The following PDSS2 variants were observed in gnomAD, a reference collection of about 807,000 sequenced individuals.
PDSS2 encodes the protein decaprenyl diphosphate synthase subunit 2, also known as all trans-polyprenyl-diphosphate synthase PDSS2.
A neutral mutation model predicts 44.5 loss-of-function variants in PDSS2; 31 were observed. The ratio of observed to expected loss-of-function variants is 0.70; its 90% confidence interval spans 0.52 to 0.94. PDSS2 has a LOEUF of 0.94. Ranked by LOEUF, PDSS2 falls within the 40% of genes least tolerant of loss-of-function variation. The pLI is 0.00. For missense variants in PDSS2, 452 were observed against 482.2 expected (o/e 0.94, Z 0.59); for synonymous variants, 157 against 180.3 (o/e 0.87, Z 1.03).
chr6:107,446,887 C>T (rs766229684), intron 1 of PDSS2, among the ~76,000 whole-genome samples: 20 of 151,816 alleles, frequency 1.3e-4, no homozygotes, highest in Non-Finnish European at 2.6e-4. Context: ...GACCCTGGCC[C>T]CTCCCAAATC....
intron 1 of PDSS2, among the ~76,000 whole-genome samples, chr6:107,402,488 G>GTATATATATGTATACATATATACGTA (rs375697506): frequency 1.3e-4 from 1 of 7,596 alleles, no homozygotes; most frequent in Non-Finnish European, 2.7e-4. Flanking sequence ...ACATATATAC[G>GTATATATATGTATACATATATACGTA]TATATATGTA....
chr6:107,279,695 TA>T (rs920520831), intron 2 of PDSS2, among the ~76,000 whole-genome samples: 1 of 152,138 alleles, frequency 6.6e-6, no homozygotes, highest in Admixed American at 6.5e-5. Context: ...TAAAAAGATT[TA>T]AAAAAATGAT....
At chr6:107,202,392 CAAACA>C (rs554174397) in intron 6 of PDSS2, among the ~76,000 whole-genome samples, 132 of 151,124 alleles carry the variant, frequency 8.7e-4, no homozygotes, top group Admixed American at 4.7e-3. Context: ...AAAAAAAAAA[CAAACA>C]AAACAAAACA....
At chr6:107,220,006 G>A (rs372640295) in intron 4 of PDSS2, among the ~76,000 whole-genome samples, 74 of 152,244 alleles carry the variant, frequency 4.9e-4, no homozygotes, top group African/African-American at 1.6e-3. Flanking sequence ...GGAAGAAGCC[G>A]GACACAAGAG....
At chr6:107,343,439 T>C (rs1337575234) in intron 1 of PDSS2, among the ~76,000 whole-genome samples, 1 of 152,200 alleles carries the variant, frequency 6.6e-6, no homozygotes, top group Non-Finnish European at 1.5e-5. Flanking sequence ...TGTAGTTTTT[T>C]TGAAAAACAG....
intron 2 of PDSS2, among the ~76,000 whole-genome samples, chr6:107,315,288 A>C (rs1203195749): frequency 1.3e-5 from 2 of 152,254 alleles, no homozygotes; most frequent in Non-Finnish European, 2.9e-5. Context: ...ATTGCAAAAT[A>C]ATAGATACTT....
chr6:107,244,153 A>G (rs1774532565), intron 4 of PDSS2, among the ~76,000 whole-genome samples: 1 of 152,142 alleles, frequency 6.6e-6, no homozygotes, highest in South Asian at 2.1e-4. Flanking sequence ...AACAAAACAA[A>G]AAAAGAGTCT....
At chr6:107,355,422 TTA>T (rs1778567301) in intron 1 of PDSS2, among the ~76,000 whole-genome samples, 1 of 152,230 alleles carries the variant, frequency 6.6e-6, no homozygotes. Flanking sequence ...TGTACTAGAT[TTA>T]TATTTGACTC....
chr6:107,374,842 G>A (rs1779235475), intron 1 of PDSS2, among the ~76,000 whole-genome samples: 1 of 151,710 alleles, frequency 6.6e-6, no homozygotes, highest in Non-Finnish European at 1.5e-5. Context: ...CTTATGGTAG[G>A]TAAGGTTCTC....
chr6:107,431,159 T>G (rs1234310646), intron 1 of PDSS2, among the ~76,000 whole-genome samples: 1 of 152,254 alleles, frequency 6.6e-6, no homozygotes, highest in African/African-American at 2.4e-5. Context: ...AGTAAATGAC[T>G]GATGTCTGGG....
chr6:107,456,453 G>T (rs1245369568), intron 1 of PDSS2, among the ~76,000 whole-genome samples: 6 of 152,126 alleles, frequency 3.9e-5, no homozygotes, highest in Non-Finnish European at 5.9e-5. Context: ...TTTTAAAAAG[G>T]AAGTCACATA....
chr6:107,173,523 G>A (rs1771669982), intron 7 of PDSS2, among the ~76,000 whole-genome samples: 2 of 129,644 alleles, frequency 1.5e-5, no homozygotes, highest in African/African-American at 3.0e-5. Flanking sequence ...GCAGTGAGCC[G>A]AGATCGCGCC....
chr6:107,362,351 T>C (rs2127139), intron 1 of PDSS2, among the ~76,000 whole-genome samples: 57,304 of 152,164 alleles, frequency 0.38, 13,305 homozygotes, highest in Middle Eastern at 0.64. Flanking sequence ...GAAGTCTCAC[T>C]GTCTTAAGGT....
intron 1 of PDSS2, among the ~76,000 whole-genome samples, chr6:107,366,294 G>A (rs188472906): frequency 5.9e-5 from 9 of 152,058 alleles, no homozygotes; most frequent in Non-Finnish European, 8.8e-5. Flanking sequence ...GGTCAAAGAC[G>A]AAATCATTTA....
chr6:107,208,555 C>CA lies in PDSS2; in HGVS notation c.1008+1883dup, dbSNP rs533966409. Among the ~76,000 whole-genome samples the CA allele has an allele frequency of 1.5e-3, 228 of 151,284 alleles. 4 individuals are homozygous for CA. The South Asian group carries it at 0.031, about 21-fold the overall frequency. On this transcript the variant is annotated intron_variant, in intron 6 of 7. Transcript: ENST00000369037. ...CAAGTGATCCACCCCCTTGGCCTCC[C>CA]AAGTGCTCAGATTACTGGGATTACA...
intron 2 of PDSS2, among the ~76,000 whole-genome samples, chr6:107,289,059 G>A (rs1776256964): frequency 6.7e-6 from 1 of 149,870 alleles, no homozygotes; most frequent in African/African-American, 2.4e-5. Context: ...GAGTCACCGC[G>A]CCTGGCCGAA....
At chr6:107,173,763 TG>T (rs1258731995) in intron 7 of PDSS2, among the ~76,000 whole-genome samples, 2 of 152,066 alleles carry the variant, frequency 1.3e-5, no homozygotes, top group African/African-American at 2.4e-5. Flanking sequence ...AGGTAACACA[TG>T]GATAGTATCA....
At chr6:107,411,879 CTTTTTTTTTTTTTT>C (rs145161415) in intron 1 of PDSS2, among the ~76,000 whole-genome samples, 1 of 93,882 alleles carries the variant, frequency 1.1e-5, no homozygotes, top group African/African-American at 4.0e-5. Context: ...TCTTCTTCTT[CTTTTTTTTTTTTTT>C]TTTTTTTTTG....
At chr6:107,261,848 G>A (rs1348521353) in intron 3 of PDSS2, among the ~76,000 whole-genome samples, 1 of 149,214 alleles carries the variant, frequency 6.7e-6, no homozygotes, top group African/African-American at 2.5e-5. Context: ...CAATGTGCTA[G>A]AATTACAAGT....
Sources: gnomAD v4.1 joint callset for allele counts (sites outside exome capture counted in the v4.1 genomes callset) on GRCh38, gnomAD v4.1.1 for gene constraint, MANE v1.5 for transcripts, NCBI Gene and HGNC (gene_info 2026-07-23, HGNC 2026-07-21) for gene names.